NDST4: variants seen among roughly 807,000 people sequenced by gnomAD.
The protein encoded by NDST4 is N-heparan sulfate sulfotransferase 4.
A neutral mutation model predicts 100.8 loss-of-function variants in NDST4; 63 were observed. The observed-to-expected ratio is 0.62, with a 90% CI of 0.51 to 0.77. The LOEUF is 0.77. Ranked by LOEUF, NDST4 falls within the 30% of genes least tolerant of loss-of-function variation. The pLI, the probability that NDST4 is intolerant of heterozygous loss-of-function variation, is 0.00. For missense variants in NDST4, 943 were observed against 1,018.4 expected (o/e 0.93, Z 1.01); for synonymous variants, 377 against 361.8 (o/e 1.04, Z -0.48).
rs750499631 is a variant in NDST4 at position 115,076,730 on chromosome 4, G to C, written c.307C>G (p.Arg103Gly). 3 of 1,613,724 alleles carry C rather than the reference G, an allele frequency of 1.9e-6. No individual in the cohort carries two copies. The highest frequency in any genetic ancestry group is 2.5e-6 in the Non-Finnish European group (3 of 1,179,914). ...QDIIAILESSRFQYHMVIAPG... is the reference protein window; with the variant it reads ...QDIIAILESSGFQYHMVIAPG... ...GCAATAACCATGTGGTACTGAAATC[G>C]GCTGGACTCCAAAATAGCTATGATA... The change falls in exon 2 of 14, where the codon CGA becomes GGA. Residue 103 changes from arginine (R) to glycine (G), a missense_variant. Around this residue, in one of 2 missense-constraint regions of NDST4, gnomAD observed 417 missense variants for 384.2 expected, o/e 1.09. Transcript: ENST00000264363.
chr4:115,004,603 T>C (rs1009100900), intron 2 of NDST4, among the ~76,000 whole-genome samples: 43 of 152,156 alleles, frequency 2.8e-4, no homozygotes, highest in Non-Finnish European at 5.1e-4. Context: ...GGTATAAATA[T>C]ATCTTCATCT....
chr4:114,956,804 G>T (rs888801891), intron 4 of NDST4, among the ~76,000 whole-genome samples: 1 of 152,068 alleles, frequency 6.6e-6, no homozygotes, highest in Non-Finnish European at 1.5e-5. Context: ...TAACTAAATG[G>T]CAACAAAAAT....
At chr4:115,091,008 A>G (rs533392897) in intron 1 of NDST4, among the ~76,000 whole-genome samples, 1 of 152,120 alleles carries the variant, frequency 6.6e-6, no homozygotes, top group Admixed American at 6.5e-5. Context: ...TCTTTTTGTT[A>G]CTGTTGTGCA....
At chr4:115,064,868 A>C (rs1202344439) in intron 2 of NDST4, among the ~76,000 whole-genome samples, 2 of 152,158 alleles carry the variant, frequency 1.3e-5, no homozygotes, top group Non-Finnish European at 2.9e-5. Context: ...CTAAATGTAC[A>C]CTGCCAACCC....
chr4:114,847,151 C>T (rs1160673129), intron 9 of NDST4, among the ~76,000 whole-genome samples: 4 of 130,942 alleles, frequency 3.1e-5, no homozygotes, highest in Admixed American at 1.4e-4. Flanking sequence ...CCGAGGCGGG[C>T]GGATCACGAG....
At chr4:115,041,562 G>A (rs1331198031) in intron 2 of NDST4, among the ~76,000 whole-genome samples, 1 of 151,934 alleles carries the variant, frequency 6.6e-6, no homozygotes, top group Non-Finnish European at 1.5e-5. Context: ...TCTCTGAGAA[G>A]GATTACCTCT....
intron 2 of NDST4, among the ~76,000 whole-genome samples, chr4:115,008,957 C>G (rs1727480793): frequency 7.9e-6 from 1 of 127,334 alleles, no homozygotes. Flanking sequence ...GAATAAAATA[C>G]CTAGGAATCC....
chr4:115,103,592 T>C (rs1578523588), intron 1 of NDST4, among the ~76,000 whole-genome samples: 1 of 152,172 alleles, frequency 6.6e-6, no homozygotes, highest in East Asian at 1.9e-4. Context: ...AGTTCTTAAT[T>C]TTACGCAACA....
At chr4:114,911,602 A>G (rs954999745) in intron 6 of NDST4, among the ~76,000 whole-genome samples, 6 of 152,172 alleles carry the variant, frequency 3.9e-5, no homozygotes, top group Non-Finnish European at 5.9e-5. Context: ...ACAACTGAAC[A>G]CTATTGCAGA....
At chr4:114,839,754 T>G (rs962752420) in intron 10 of NDST4, among the ~76,000 whole-genome samples, 1 of 152,194 alleles carries the variant, frequency 6.6e-6, no homozygotes, top group African/African-American at 2.4e-5. Context: ...GACAACCGTA[T>G]ACATTGGAAT....
chr4:114,948,484 G>A (rs1309870217), intron 4 of NDST4, among the ~76,000 whole-genome samples: 2 of 152,000 alleles, frequency 1.3e-5, no homozygotes, highest in African/African-American at 2.4e-5. Context: ...TCATTTACTT[G>A]AGTAACTGGC....
At chr4:114,899,646 C>T (rs557029941) in intron 6 of NDST4, among the ~76,000 whole-genome samples, 1 of 152,082 alleles carries the variant, frequency 6.6e-6, no homozygotes, top group South Asian at 2.1e-4. Context: ...TCACATTAAT[C>T]AGTTTTCCAA....
chr4:114,946,845 CT>C (rs950110757), intron 4 of NDST4, among the ~76,000 whole-genome samples: 37 of 151,898 alleles, frequency 2.4e-4, no homozygotes, highest in Non-Finnish European at 3.8e-4. Context: ...ATGATGATTA[CT>C]TTTTTTTCTG....
At chr4:114,947,560 T>TA (rs1247265676) in intron 4 of NDST4, among the ~76,000 whole-genome samples, 4 of 152,142 alleles carry the variant, frequency 2.6e-5, no homozygotes, top group African/African-American at 9.7e-5. Flanking sequence ...TAACCTGGAC[T>TA]AAATGATAAC....
chr4:115,033,933 G>T (rs1165366513), intron 2 of NDST4, among the ~76,000 whole-genome samples: 1 of 152,052 alleles, frequency 6.6e-6, no homozygotes, highest in East Asian at 1.9e-4. Context: ...AATATTAAAA[G>T]AAATTAATTG....
chr4:114,991,539 TA>T (rs1266589881), intron 2 of NDST4, among the ~76,000 whole-genome samples: 1 of 152,062 alleles, frequency 6.6e-6, no homozygotes, highest in African/African-American at 2.4e-5. Context: ...ATACACATTG[TA>T]TATTCAGAAA....
At chr4:114,975,997 T>C (rs549475505) in intron 3 of NDST4, among the ~76,000 whole-genome samples, 2 of 152,230 alleles carry the variant, frequency 1.3e-5, no homozygotes, top group Admixed American at 6.6e-5. Flanking sequence ...TCATTTGATT[T>C]ATCAACTCGT....
intron 6 of NDST4, among the ~76,000 whole-genome samples, chr4:114,875,170 T>G (rs1039120218): frequency 1.3e-5 from 2 of 152,138 alleles, no homozygotes; most frequent in African/African-American, 4.8e-5. Context: ...GGCACCAAGG[T>G]CTGGGTGCCA....
At chr4:114,999,874 T>C (rs1046254257) in intron 2 of NDST4, among the ~76,000 whole-genome samples, 3 of 151,982 alleles carry the variant, frequency 2.0e-5, no homozygotes, top group Non-Finnish European at 2.9e-5. Flanking sequence ...TTGATATGTC[T>C]GGAAGGCCCT....
Sources: gnomAD v4.1 joint callset for allele counts (sites outside exome capture counted in the v4.1 genomes callset) on GRCh38, gnomAD v4.1.1 for gene constraint, gnomAD v4.1.1 regional missense constraint, MANE v1.5 for transcripts, NCBI Gene and HGNC (gene_info 2026-07-23, HGNC 2026-07-21) for gene names.